Variants in CPXM2 observed in about 807,000 individuals in gnomAD.
The protein encoded by CPXM2 is carboxypeptidase X, M14 family member 2.
In CPXM2, 66 loss-of-function variants were observed where a neutral mutation model predicts 86.1. The observed-to-expected ratio is 0.77, with a 90% confidence interval of 0.63 to 0.94. The LOEUF is 0.94. CPXM2 is among the 40% of genes least tolerant of loss of function. CPXM2 has a pLI of 0.00. For missense variants in CPXM2, 948 were observed against 1,026.3 expected, an observed-to-expected ratio of 0.92 and a Z score of 1.04; for synonymous variants, 388 against 400.2, an observed-to-expected ratio of 0.97 and a Z score of 0.36.
intron 4 of CPXM2, among the ~76,000 whole-genome samples, chr10:123,820,475 C>T (rs529899930): frequency 2.0e-5 from 3 of 152,338 alleles, no homozygotes; most frequent in South Asian, 4.1e-4. Flanking sequence ...GGGCTTTATG[C>T]TTGCTGGACT....
intron 3 of CPXM2, 52 bp from the exon 4 acceptor site, chr10:123,842,540 T>G: frequency 2.5e-6 from 4 of 1,575,936 alleles, no homozygotes; most frequent in Non-Finnish European, 3.5e-6. Flanking sequence ...TTGAAGAAAA[T>G]TAAGACATAT....
intron 9 of CPXM2, among the ~76,000 whole-genome samples, chr10:123,768,295 A>C (rs1381312073): frequency 6.6e-6 from 1 of 152,090 alleles, no homozygotes; most frequent in African/African-American, 2.4e-5. Flanking sequence ...AATCGCTTGA[A>C]TCCAGGAGGC....
At chr10:123,881,267 A>T (rs1166739237) in intron 1 of CPXM2, among the ~76,000 whole-genome samples, 1 of 53,700 alleles carries the variant, frequency 1.9e-5, no homozygotes, top group Non-Finnish European at 3.7e-5. Context: ...CCTTCCCTTT[A>T]CGCTCAAGCT....
intron 2 of CPXM2, among the ~76,000 whole-genome samples, chr10:123,878,319 T>G (rs1180132120): frequency 6.8e-6 from 1 of 146,950 alleles, no homozygotes; most frequent in Non-Finnish European, 1.5e-5. Flanking sequence ...TTTTTTTTTT[T>G]TTTTTAGTAA....
At chr10:123,835,672 T>C (rs1007155004) in intron 4 of CPXM2, among the ~76,000 whole-genome samples, 1 of 152,242 alleles carries the variant, frequency 6.6e-6, no homozygotes, top group African/African-American at 2.4e-5. Flanking sequence ...TGACACATTC[T>C]GAAAACACAC....
At chr10:123,777,153 G>T (rs936874053) in intron 7 of CPXM2, 1 of 152,236 alleles carries the variant, frequency 6.6e-6, no homozygotes, top group African/African-American at 2.4e-5. Context: ...GTCAGCCATG[G>T]TCCCCACAGC....
intron 4 of CPXM2, among the ~76,000 whole-genome samples, chr10:123,802,800 G>A (rs576673906): frequency 9.9e-5 from 15 of 152,190 alleles, no homozygotes; most frequent in African/African-American, 3.6e-4. Flanking sequence ...GTTATTCCAT[G>A]CTCTTATTGA....
chr10:123,880,911 G>A (rs1272124120), intron 1 of CPXM2, among the ~76,000 whole-genome samples: 2 of 145,304 alleles, frequency 1.4e-5, no homozygotes, highest in African/African-American at 2.6e-5. Context: ...GACATCATTT[G>A]TAGTTTCTGG....
At chr10:123,868,323 A>C (rs1944831686) in intron 2 of CPXM2, among the ~76,000 whole-genome samples, 1 of 152,074 alleles carries the variant, frequency 6.6e-6, no homozygotes, top group East Asian at 1.9e-4. Context: ...TGCTGCTAAC[A>C]CCGTAACCCC....
chr10:123,827,711 A>G (rs554710746), intron 4 of CPXM2, among the ~76,000 whole-genome samples: 24 of 152,308 alleles, frequency 1.6e-4, no homozygotes, highest in African/African-American at 4.6e-4. Context: ...TATAAACAAG[A>G]TTATTTTAAA....
chr10:123,899,185 T>C (rs1303467537), intron 2 of CPXM2, among the ~76,000 whole-genome samples: 1 of 152,252 alleles, frequency 6.6e-6, no homozygotes, highest in East Asian at 1.9e-4. Flanking sequence ...TTTCGTTATA[T>C]AGACACTAAA....
rs750404229 is a variant in CPXM2, at chr10:123,757,315, G to A, written c.1815C>T (p.Phe605=). 35 of 1,613,712 alleles carry A rather than the reference G, an allele frequency of 2.2e-5. No individual in the cohort carries two copies. Among genetic ancestry groups the A allele is most frequent in the Non-Finnish European group, 2.2e-5 (26 of 1,179,714 alleles). Reference sequence around the variant, plus strand: ...CACAGCCCACGTAGATGGACAGTTCGAAGCAGTTTGTATGAAGGTAGCTGA... The same window carrying A: ...CACAGCCCACGTAGATGGACAGTTCAAAGCAGTTTGTATGAAGGTAGCTGA... The part of the protein sequence containing the change: ...NDFSYLHTNC[F]ELSIYVGCDK... The change falls in exon 12 of 14, where the codon TTC becomes TTT. Residue 605 remains phenylalanine, a synonymous_variant. Coordinates refer to ENST00000241305, the MANE Select transcript of CPXM2 (RefSeq NM_198148.3).
intron 13 of CPXM2, chr10:123,752,431 A>G: frequency 2.0e-6 from 2 of 985,190 alleles, no homozygotes; most frequent in Non-Finnish European, 2.4e-6. Flanking sequence ...ATGGCATTAC[A>G]CAGCAATCTA....
At chr10:123,902,083 A>G (rs560901686) in intron 2 of CPXM2, among the ~76,000 whole-genome samples, 87 of 152,346 alleles carry the variant, frequency 5.7e-4, no homozygotes, top group Admixed American at 2.2e-3. Context: ...CTTACAAACT[A>G]TAGTGGATAA....
chr10:123,790,371 G>GT, intron 6 of CPXM2, among the ~76,000 whole-genome samples: 1 of 151,778 alleles, frequency 6.6e-6, no homozygotes, highest in African/African-American at 2.4e-5. Flanking sequence ...GATGGAGCAG[G>GT]TGACTAGGAG....
chr10:123,821,474 T>A (rs886984809), intron 4 of CPXM2, among the ~76,000 whole-genome samples: 2 of 152,216 alleles, frequency 1.3e-5, no homozygotes, highest in Admixed American at 1.3e-4. Context: ...TTCTGAAAAC[T>A]CTTCTGATTC....
At chr10:123,875,573 C>T (rs1342729313) in intron 2 of CPXM2, among the ~76,000 whole-genome samples, 2 of 152,154 alleles carry the variant, frequency 1.3e-5, no homozygotes, top group Non-Finnish European at 2.9e-5. Context: ...ATAACAAGGG[C>T]TTGAATGAAA....
chr10:123,751,517 AG>A, intron 13 of CPXM2: 1 of 985,320 alleles, frequency 1.0e-6, no homozygotes. Context: ...GGGGCAACTC[AG>A]GCCCAAAGAA....
chr10:123,889,788 A>G (rs1359015686), intron 1 of CPXM2, among the ~76,000 whole-genome samples: 2 of 152,168 alleles, frequency 1.3e-5, no homozygotes, highest in African/African-American at 2.4e-5. Flanking sequence ...CCCAGTCTTC[A>G]GACTCCCAGT....
Sources: gnomAD v4.1 joint callset for allele counts (sites outside exome capture counted in the v4.1 genomes callset) on GRCh38, gnomAD v4.1.1 for gene constraint, MANE v1.5 for transcripts, NCBI Gene and HGNC (gene_info 2026-07-23, HGNC 2026-07-21) for gene names.